Variants in MYO10 observed in about 807,000 individuals in gnomAD.
MYO10 encodes the protein unconventional myosin-X.
Under a neutral mutation model 257.3 loss-of-function variants are expected in MYO10, and 133 were observed. The ratio of observed to expected loss-of-function variants is 0.52; its 90% CI spans 0.45 to 0.60. The LOEUF is 0.60. Ranked by LOEUF, MYO10 falls within the 20% of genes least tolerant of loss-of-function variation. The pLI is 0.00. For synonymous variants in MYO10, 1,104 were observed against 1,028.6 expected (o/e 1.07, Z -1.40); for missense variants, 2,399 against 2,635.7 (o/e 0.91, Z 1.97).
chr5:16,662,085 AAC>A lies in MYO10; in HGVS notation c.*4605_*4606del, dbSNP rs1736005512. ...GATGCTTCTCTGATCAACTGAATGAAACAGTTATAAATGTACTGGCTAAATTT... is the reference window on the plus strand; with the variant it reads ...GATGCTTCTCTGATCAACTGAATGAAAGTTATAAATGTACTGGCTAAATTT... On this transcript the variant is annotated 3_prime_UTR_variant, in exon 41 of 41. Transcript: ENST00000513610. 1 of 152,210 alleles carries A rather than the reference AAC, an allele frequency of 6.6e-6. No individual in the cohort carries two copies. Among genetic ancestry groups the A allele is most frequent in the Non-Finnish European group, 1.5e-5 (1 of 68,028 alleles). 9.4% of individuals were successfully genotyped at this position (152,210 alleles called of 1,614,324 possible).
chr5:16,714,180 A>T (rs891567237), intron 19 of MYO10, among the ~76,000 whole-genome samples: 2 of 151,776 alleles, frequency 1.3e-5, no homozygotes, highest in Non-Finnish European at 2.9e-5. Flanking sequence ...ACTATAATTA[A>T]AGATTAAAAT....
intron 2 of MYO10, among the ~76,000 whole-genome samples, chr5:16,841,314 CA>C: frequency 6.6e-6 from 1 of 152,054 alleles, no homozygotes; most frequent in East Asian, 1.9e-4. Flanking sequence ...ATATTAAAGA[CA>C]ATTATTTTGT....
Position 16,780,540 on chromosome 5 carries a change from C to T in MYO10, c.810G>A (p.Leu270=), listed in dbSNP as rs748890066. The change falls in exon 8 of 41, where the codon CTG becomes CTA. Residue 270 remains leucine, a synonymous_variant. Coordinates refer to ENST00000513610, the MANE Select transcript of MYO10 (RefSeq NM_012334.3). Reference sequence around the variant, plus strand: ...CCCACTCACCTCTTTCTTCATGTTCCAGCCCTGCCAGCAGTGCATAAAATA... The same window carrying T: ...CCCACTCACCTCTTTCTTCATGTTCTAGCCCTGCCAGCAGTGCATAAAATA... ...YHIFYALLAG[L]EHEEREEFYL... 37 of 1,581,314 alleles carry T rather than the reference C, an allele frequency of 2.3e-5. No homozygotes were observed. In the South Asian group the frequency reaches 4.2e-4, roughly 18 times the overall value.
In MYO10 at chr5:16,663,325, GTTGTTTTTTTTTTTTTTTTTTTT is replaced by G. The variant is rs1411367594; in HGVS notation, c.*3344_*3366del. ...GGAAAAAAGTAACATTTTACTTCTA[GTTGTTTTTTTTTTTTTTTTTTTT>G]TTTTTTTTTTTTTTTTTTTACAAAT... On this transcript the variant is annotated 3_prime_UTR_variant, in exon 41 of 41. Transcript: ENST00000513610. 10 of 41,302 alleles carry G rather than the reference GTTGTTTTTTTTTTTTTTTTTTTT, an allele frequency of 2.4e-4. No individual in the cohort carries two copies. Among genetic ancestry groups the G allele is most frequent in the Non-Finnish European group, 4.2e-5 (1 of 23,536 alleles). The allele number at this position is 41,302 out of a possible 1,614,324, so 2.6% of individuals were successfully genotyped here.
intron 1 of MYO10, among the ~76,000 whole-genome samples, chr5:16,887,715 G>A (rs1580116773): frequency 6.6e-6 from 1 of 151,806 alleles, no homozygotes; most frequent in Non-Finnish European, 1.5e-5. Flanking sequence ...GGTATCAAAC[G>A]ACTGACCTCA....
chr5:16,853,401 T>C (rs1251518455), intron 2 of MYO10, among the ~76,000 whole-genome samples: 1 of 152,048 alleles, frequency 6.6e-6, no homozygotes, highest in Non-Finnish European at 1.5e-5. Context: ...CATGATCATA[T>C]GTTATGTCAG....
intron 9 of MYO10, among the ~76,000 whole-genome samples, chr5:16,773,356 A>G (rs573684357): frequency 6.6e-6 from 1 of 152,330 alleles, no homozygotes; most frequent in South Asian, 2.1e-4. Context: ...TATCAGCAAA[A>G]TAATTATAAT....
At chr5:16,922,512 T>C (rs1561061532) in intron 1 of MYO10, among the ~76,000 whole-genome samples, 1 of 152,178 alleles carries the variant, frequency 6.6e-6, no homozygotes, top group African/African-American at 2.4e-5. Flanking sequence ...CAGCTCAGTA[T>C]GTTACTGGTC....
At position 16,673,679 on chromosome 5, in the gene MYO10, C is replaced by T; in HGVS notation, c.5172+3G>A. On this transcript the variant is annotated splice_donor_region_variant and intron_variant, in intron 36 of 40. Transcript: ENST00000513610. ...AGAACAAGCAGCAGCTGCCTCTCCT[C>T]ACCTCCCCAGCGGTGGTGTGGGAGT... The T allele has an allele frequency of 6.2e-7, 1 of 1,612,426 alleles. No individual in the cohort carries two copies. Among genetic ancestry groups the T allele is most frequent in the Non-Finnish European group, 8.5e-7 (1 of 1,179,162 alleles).
intron 19 of MYO10, among the ~76,000 whole-genome samples, chr5:16,748,617 G>A (rs34196428): frequency 1.3e-4 from 17 of 135,050 alleles, no homozygotes; most frequent in Admixed American, 2.9e-4. Flanking sequence ...AGGGAGAGAG[G>A]GAGAGAGGGA....
intron 1 of MYO10, among the ~76,000 whole-genome samples, chr5:16,919,936 C>A (rs373572838): frequency 4.9e-4 from 75 of 152,314 alleles, no homozygotes; most frequent in African/African-American, 1.7e-3. Flanking sequence ...CATGGTGAAA[C>A]CCCGTCTCTA....
chr5:16,840,559 T>C (rs1422630302), intron 2 of MYO10, among the ~76,000 whole-genome samples: 2 of 152,122 alleles, frequency 1.3e-5, no homozygotes, highest in Non-Finnish European at 1.5e-5. Context: ...AATACTCTGG[T>C]CCTGGCACTT....
intron 2 of MYO10, among the ~76,000 whole-genome samples, chr5:16,841,993 CACTTG>C (rs1743495367): frequency 7.7e-6 from 1 of 129,080 alleles, no homozygotes; most frequent in Non-Finnish European, 1.5e-5. Flanking sequence ...GAAGGCATGA[CACTTG>C]ACTTTGGGGT....
At chr5:16,848,609 A>G (rs373583313) in intron 2 of MYO10, among the ~76,000 whole-genome samples, 3 of 151,978 alleles carry the variant, frequency 2.0e-5, no homozygotes, top group Non-Finnish European at 4.4e-5. Flanking sequence ...TGTTCCCTCC[A>G]AGAGTCTTTG....
intron 2 of MYO10, among the ~76,000 whole-genome samples, chr5:16,860,912 C>G (rs1224640693): frequency 6.6e-6 from 1 of 152,068 alleles, no homozygotes; most frequent in East Asian, 1.9e-4. Context: ...CTTTCTAAGC[C>G]CAGCTTGCAA....
At chr5:16,838,168 C>G (rs1015208537) in intron 2 of MYO10, among the ~76,000 whole-genome samples, 1 of 152,182 alleles carries the variant, frequency 6.6e-6, no homozygotes, top group Non-Finnish European at 1.5e-5. Context: ...GCATCTCTCA[C>G]TTTAAATCAA....
intron 19 of MYO10, chr5:16,742,355 G>T: frequency 1.5e-6 from 1 of 653,142 alleles, no homozygotes; most frequent in Non-Finnish European, 1.9e-6. Context: ...GTTTTGTTTA[G>T]GGAGAAGAAT....
intron 19 of MYO10, among the ~76,000 whole-genome samples, 197 bp from the exon 20 acceptor site, chr5:16,711,442 T>C (rs1738614665): frequency 6.6e-6 from 1 of 152,138 alleles, no homozygotes; most frequent in Non-Finnish European, 1.5e-5. Flanking sequence ...CGTCAACCCC[T>C]GCCAATCCTG....
At chr5:16,935,593 G>C (rs1746417248) in intron 1 of MYO10, among the ~76,000 whole-genome samples, 195 bp downstream of exon 1, 1 of 152,072 alleles carries the variant, frequency 6.6e-6, no homozygotes, top group Admixed American at 6.5e-5. Context: ...ATGCGAGCGC[G>C]GGACAGGACG....
Sources: gnomAD v4.1 joint callset for allele counts (sites outside exome capture counted in the v4.1 genomes callset) on GRCh38, gnomAD v4.1.1 for gene constraint, MANE v1.5 for transcripts, NCBI Gene and HGNC (gene_info 2026-07-23, HGNC 2026-07-21) for gene names.